Variants in CNST observed in about 807,000 individuals in gnomAD.
CNST encodes consortin, connexin sorting protein, also known as consortin.
In CNST, 39 loss-of-function variants were observed where a neutral mutation model predicts 72.4. The observed-to-expected ratio is 0.54, with a 90% CI of 0.42 to 0.70. CNST has a LOEUF of 0.70. CNST is among the 30% of genes least tolerant of loss of function. CNST has a pLI of 0.00. For missense variants in CNST, 871 were observed against 868.5 expected (o/e 1.00, Z -0.04); for synonymous variants, 332 against 320.1 (o/e 1.04, Z -0.40).
intron 2 of CNST, among the ~76,000 whole-genome samples, chr1:246,620,753 C>T (rs1409240874): frequency 2.1e-5 from 3 of 144,684 alleles, no homozygotes; most frequent in African/African-American, 5.2e-5. Flanking sequence ...ACAGGGAGGA[C>T]AGCTTCAGTC....
chr1:246,609,068 C>CG lies in CNST; in HGVS notation c.380-12356dup, dbSNP rs150066357. Among the ~76,000 whole-genome samples, 34 of 152,242 alleles carry CG rather than the reference C, an allele frequency of 2.2e-4. No individual in the cohort carries two copies. The East Asian group carries it at 6.2e-3, about 28-fold the overall frequency. ...CCCTCTGCAGGCAGAGGGTGCAACC[C>CG]GGGGGTGTGGGAGGGAGCATGGCAC... On this transcript the variant is annotated intron_variant, in intron 2 of 10. Transcript: ENST00000366513.
intron 5 of CNST, 151 bp from the exon 6 acceptor site, chr1:246,634,322 A>G (rs530790823): frequency 7.0e-6 from 4 of 575,370 alleles, no homozygotes; most frequent in Non-Finnish European, 1.2e-5. Context: ...ATTGAAAAGT[A>G]ATAAGTTAGT....
At position 246,628,053 on chromosome 1, in the gene CNST, C is replaced by G. The variant is rs375081828; in HGVS notation, c.586-3841C>G. ...ACTGAAGAATTTGGAGTCTGATGGTCGAGGGCAGGAAACATCCAGCACGCG... is the reference window on the plus strand; with the variant it reads ...ACTGAAGAATTTGGAGTCTGATGGTGGAGGGCAGGAAACATCCAGCACGCG... On this transcript the variant is annotated intron_variant, in intron 3 of 10. Coordinates refer to ENST00000366513, the MANE Select transcript of CNST (RefSeq NM_152609.3). Among the ~76,000 whole-genome samples the G allele has an allele frequency of 2.2e-4, 34 of 152,162 alleles. 2 individuals are homozygous for G. In the East Asian group the frequency reaches 3.1e-3, roughly 14 times the overall value.
At chr1:246,655,136 C>T (rs1666704244) in intron 9 of CNST, among the ~76,000 whole-genome samples, 1 of 152,028 alleles carries the variant, frequency 6.6e-6, no homozygotes, top group South Asian at 2.1e-4. Context: ...CTAAATTGCC[C>T]CCTTAAGCAA....
intron 1 of CNST, among the ~76,000 whole-genome samples, chr1:246,567,791 A>G (rs951185742): frequency 6.6e-6 from 1 of 151,082 alleles, no homozygotes; most frequent in Admixed American, 6.6e-5. Context: ...TCTCACTGAC[A>G]ATTTTCTAGA....
Position 246,641,828 on chromosome 1 carries a change from G to A in CNST, c.840+58G>A, listed in dbSNP as rs371577792. 2.7e-5 allele frequency: 33 copies of A among 1,240,978 alleles called. No individual in the cohort carries two copies. In the African/African-American group the frequency reaches 4.5e-4, roughly 17 times the overall value. The allele number at this position is 1,240,978 out of a possible 1,614,324, so 76.9% of individuals were successfully genotyped here. A position where few individuals can be genotyped will look rare whatever the true frequency, so the allele number is the denominator to read the frequency against. On this transcript the variant is annotated intron_variant, in intron 7 of 10. Transcript: ENST00000366513. ...GGAAAAATGTTTGTGTCATATGTCT[G>A]TTGTATGGACTATTTTGGAAAATGA...
In CNST at chr1:246,566,496, G is replaced by A. The variant is rs1364753468; in HGVS notation, c.-219G>A. The A allele has an allele frequency of 9.0e-6, 4 of 442,208 alleles. No homozygotes were observed. The highest frequency in any genetic ancestry group is 5.9e-5 in the African/African-American group (3 of 50,446). The allele number at this position is 442,208 out of a possible 1,614,324, so 27.4% of individuals were successfully genotyped here. Reference sequence around the variant, plus strand: ...CAGCCTCCAGCCGGCCAGCCGCGAGGGGTGCGCAGAGGGAGGCGGGGCGGA... The same window carrying A: ...CAGCCTCCAGCCGGCCAGCCGCGAGAGGTGCGCAGAGGGAGGCGGGGCGGA... On this transcript the variant is annotated 5_prime_UTR_variant, in exon 1 of 11. Coordinates refer to ENST00000366513, the MANE Select transcript of CNST (RefSeq NM_152609.3).
At position 246,611,817 on chromosome 1, in the gene CNST, T is replaced by C. The variant is rs950103421; in HGVS notation, c.380-9612T>C. On this transcript the variant is annotated intron_variant, in intron 2 of 10. Transcript: ENST00000366513. ...AGCATTATTCACAGTAGCAAAAAGG[T>C]AGAAACAATCCAGATGTCCATCAAC... 5.3e-5 allele frequency among the ~76,000 whole-genome samples: 8 copies of C among 152,184 alleles called. No homozygotes were observed. In the East Asian group the frequency reaches 1.5e-3, roughly 29 times the overall value.
chr1:246,569,688 CA>C (rs1352795521), intron 1 of CNST, among the ~76,000 whole-genome samples: 2 of 152,180 alleles, frequency 1.3e-5, no homozygotes, highest in East Asian at 3.9e-4. Context: ...CTCAACCTCT[CA>C]AAGTGTTGAG....
At chr1:246,619,297 T>TA (rs1663897525) in intron 2 of CNST, among the ~76,000 whole-genome samples, 1 of 152,172 alleles carries the variant, frequency 6.6e-6, no homozygotes, top group Admixed American at 6.5e-5. Flanking sequence ...TTTTTAGAAA[T>TA]ACCCTAAAAA....
At chr1:246,602,552 C>G (rs982336536) in intron 2 of CNST, among the ~76,000 whole-genome samples, 1 of 152,198 alleles carries the variant, frequency 6.6e-6, no homozygotes, top group African/African-American at 2.4e-5. Flanking sequence ...AGAGAGCACT[C>G]AACCTGGAAG....
At position 246,647,735 on chromosome 1, in the gene CNST, G is replaced by A. The variant is rs371861464; in HGVS notation, c.1534G>A (p.Gly512Arg). 42 of 1,614,012 alleles carry A rather than the reference G, an allele frequency of 2.6e-5. No homozygotes were observed. The highest frequency in any genetic ancestry group is 3.3e-5 in the Admixed American group (2 of 59,994). ...DSDGSENVLC[G>R]NNQISDLGIL... ...AGACGGTTCTGAGAATGTGCTCTGT[G>A]GAAATAATCAAATATCTGACTTAGG... is the stretch of plus-strand genomic sequence containing the variant. Residue 512 changes from glycine to arginine, a missense_variant, in exon 9 of 11, where the codon GGA (glycine) becomes AGA (arginine). Transcript: ENST00000366513.
chr1:246,618,769 G>A (rs143941545), intron 2 of CNST, among the ~76,000 whole-genome samples: 207 of 152,208 alleles, frequency 1.4e-3, no homozygotes, highest in African/African-American at 4.7e-3. Flanking sequence ...ATTAAAGTAG[G>A]TGATAAAATG....
intron 2 of CNST, among the ~76,000 whole-genome samples, chr1:246,615,587 C>T (rs1663632605): frequency 6.7e-6 from 1 of 150,194 alleles, no homozygotes; most frequent in South Asian, 2.1e-4. Context: ...ATAATGAAAC[C>T]CCATCTCTGG....
At chr1:246,630,498 A>G (rs572282970) in intron 3 of CNST, among the ~76,000 whole-genome samples, 1 of 152,334 alleles carries the variant, frequency 6.6e-6, no homozygotes, top group South Asian at 2.1e-4. Flanking sequence ...AGTCATCTAC[A>G]TGGCTCATGG....
chr1:246,614,635 C>G (rs1663564410), intron 2 of CNST, among the ~76,000 whole-genome samples: 1 of 152,140 alleles, frequency 6.6e-6, no homozygotes, highest in South Asian at 2.1e-4. Context: ...CCACGCCCAG[C>G]TAATTTTTGT....
intron 9 of CNST, among the ~76,000 whole-genome samples, chr1:246,652,751 TC>T (rs1385135096): frequency 1.1e-4 from 17 of 151,762 alleles, no homozygotes; most frequent in South Asian, 2.1e-4. Flanking sequence ...ACGCCTGTAA[TC>T]CCAGCACTTT....
chr1:246,630,027 C>T (rs78010253), intron 3 of CNST, among the ~76,000 whole-genome samples: 2,313 of 152,296 alleles, frequency 0.015, 29 homozygotes, highest in Non-Finnish European at 0.022. Context: ...CTGCCATGCC[C>T]GGCTCTGCAG....
chr1:246,567,491 T>C (rs1312066660), intron 1 of CNST, among the ~76,000 whole-genome samples: 3 of 152,178 alleles, frequency 2.0e-5, no homozygotes, highest in Non-Finnish European at 2.9e-5. Flanking sequence ...CAACTCCGTG[T>C]CTTAGAATAC....
Sources: gnomAD v4.1 joint callset for allele counts (sites outside exome capture counted in the v4.1 genomes callset) on GRCh38, gnomAD v4.1.1 for gene constraint, MANE v1.5 for transcripts, NCBI Gene and HGNC (gene_info 2026-07-23, HGNC 2026-07-21) for gene names.